ARFGEF1: variants seen among roughly 807,000 people sequenced by gnomAD.
The protein encoded by ARFGEF1 is brefeldin A-inhibited guanine nucleotide-exchange protein 1.
In ARFGEF1, 42 loss-of-function variants were observed where a neutral mutation model predicts 231.0. The observed-to-expected ratio is 0.18, with a 90% CI of 0.14 to 0.24. The LOEUF is 0.24. Ranked by LOEUF, ARFGEF1 falls within the 10% of genes least tolerant of loss-of-function variation. The pLI, the probability that ARFGEF1 is intolerant of heterozygous loss-of-function variation, is 1.00. For missense variants in ARFGEF1, 1,345 were observed against 2,192.0 expected (o/e 0.61, Z 7.72); for synonymous variants, 710 against 732.3 (o/e 0.97, Z 0.49).
chr8:67,183,854 T>A (rs1833661456), intron 5 of ARFGEF1, among the ~76,000 whole-genome samples: 3 of 147,014 alleles, frequency 2.0e-5, no homozygotes, highest in Admixed American at 2.0e-4. Context: ...TTTTTTTTTT[T>A]TTTTTTTTTT....
chr8:67,220,509 A>G (rs1839110043), intron 29 of ARFGEF1, among the ~76,000 whole-genome samples: 1 of 152,244 alleles, frequency 6.6e-6, no homozygotes, highest in Admixed American at 6.5e-5. Flanking sequence ...AGGATTGGGT[A>G]AAATAACATT....
Position 67,267,156 on chromosome 8 carries a change from C to G in ARFGEF1, c.1747G>C (p.Val583Leu). ...TGAGCAATTTTTGATAGATCATTTACTAGTCTTTCAAATATATTGGCTGCA... is the reference window on the plus strand; with the variant it reads ...TGAGCAATTTTTGATAGATCATTTAGTAGTCTTTCAAATATATTGGCTGCA... ...LNAANIFERL[V>L]NDLSKIAQGR... Residue 583 changes from valine to leucine, a missense_variant, in exon 12 of 39, where the codon GTA becomes CTA. Transcript: ENST00000262215. The G allele has an allele frequency of 6.2e-7, 1 of 1,613,144 alleles. No homozygotes were observed. The highest frequency in any genetic ancestry group is 8.5e-7 in the Non-Finnish European group (1 of 1,179,574).
downstream of ARFGEF1, among the ~76,000 whole-genome samples, chr8:67,196,983 T>C (rs1477934375): frequency 1.3e-5 from 2 of 152,192 alleles, 1 homozygote. Context: ...AACACAACCA[T>C]GTTAGATGAT....
rs1478503998 is a variant in ARFGEF1, at chr8:67,227,193, G to A, written c.3860C>T (p.Ser1287Phe). ...TTCCACTATGCTTTCATCTTGATCAGATGCAGCTAGATGAAATACAGAGAA... is the reference window on the plus strand; with the variant it reads ...TTCCACTATGCTTTCATCTTGATCAAATGCAGCTAGATGAAATACAGAGAA... ...NIFSVFHLAA[S>F]DQDESIVELA... Residue 1287 changes from serine (S) to phenylalanine (F), a missense_variant, in exon 27 of 39, where the codon TCT becomes TTT. This residue lies in a region of ARFGEF1 where 142 missense variants were observed against 227.3 expected (regional missense o/e 0.62). Coordinates refer to ENST00000262215, the MANE Select transcript of ARFGEF1 (RefSeq NM_006421.5). 1 of 1,612,866 alleles carries A rather than the reference G, an allele frequency of 6.2e-7. No individual in the cohort carries two copies. The highest frequency in any genetic ancestry group is 8.5e-7 in the Non-Finnish European group (1 of 1,179,276).
At chr8:67,203,688 C>T (rs1372529445) in intron 35 of ARFGEF1, among the ~76,000 whole-genome samples, 1 of 152,266 alleles carries the variant, frequency 6.6e-6, no homozygotes, top group Non-Finnish European at 1.5e-5. Context: ...CAGACCTTGG[C>T]CTAGGCCACA....
rs370284579 is a variant in ARFGEF1, at chr8:67,277,527, G to A, written c.1028-70C>T. ...CCGAAGTGTATTTAAAAAGCACAGA[G>A]TATTTAAAATGAAACAGTGGCAGGA... is the stretch of plus-strand genomic sequence containing the variant. On this transcript the variant is annotated intron_variant, in intron 7 of 38. Coordinates refer to ENST00000262215, the MANE Select transcript of ARFGEF1 (RefSeq NM_006421.5). 1.7e-5 allele frequency: 24 copies of A among 1,421,508 alleles called. No individual in the cohort carries two copies. In the African/African-American group the frequency reaches 3.0e-4, roughly 18 times the overall value. The allele number at this position is 1,421,508 out of a possible 1,614,324, so 88.1% of individuals were successfully genotyped here. A position where few individuals can be genotyped will look rare whatever the true frequency, so the allele number is the denominator to read the frequency against.
chr8:67,301,820 CAA>C (rs1417146958), intron 2 of ARFGEF1, among the ~76,000 whole-genome samples: 8 of 152,120 alleles, frequency 5.3e-5, no homozygotes, highest in Non-Finnish European at 7.3e-5. Flanking sequence ...AAATATGAAT[CAA>C]AGTCTTTAAG....
chr8:67,315,803 A>G (rs1192713934), intron 1 of ARFGEF1, among the ~76,000 whole-genome samples: 2 of 152,168 alleles, frequency 1.3e-5, no homozygotes, highest in Non-Finnish European at 2.9e-5. Flanking sequence ...AAATATAACA[A>G]ATTTTATGGG....
intron 11 of ARFGEF1, 49 bp from the exon 12 acceptor site, chr8:67,267,279 T>A: frequency 1.9e-6 from 3 of 1,598,678 alleles, no homozygotes; most frequent in Non-Finnish European, 2.6e-6. Flanking sequence ...AGGATATGAG[T>A]ACATTTGGCC....
At chr8:67,328,466 C>T (rs766180319) in intron 1 of ARFGEF1, among the ~76,000 whole-genome samples, 7 of 78,086 alleles carry the variant, frequency 9.0e-5, no homozygotes, top group Non-Finnish European at 2.0e-4. Flanking sequence ...TCTCCAGCAT[C>T]TCTCTGATTA....
chr8:67,315,631 A>G (rs1807276102), intron 1 of ARFGEF1, among the ~76,000 whole-genome samples: 1 of 152,204 alleles, frequency 6.6e-6, no homozygotes, highest in Admixed American at 6.5e-5. Flanking sequence ...AGAGCAGCCC[A>G]GAGTGTGTTC....
intron 10 of ARFGEF1, among the ~76,000 whole-genome samples, chr8:67,271,151 A>C (rs986200774): frequency 1.3e-5 from 2 of 151,848 alleles, no homozygotes; most frequent in Non-Finnish European, 2.9e-5. Flanking sequence ...ATATTTTAGG[A>C]CCACATGATT....
chr8:67,238,767 C>G lies in ARFGEF1; in HGVS notation c.3106G>C (p.Asp1036His), dbSNP rs145286962. The change falls in exon 21 of 39, where the codon GAT becomes CAT. Residue 1036 changes from aspartate to histidine, a missense_variant. By Grantham distance (81) the Asp-to-His change is moderately conservative. This residue lies in a region of ARFGEF1 where 146 missense variants were observed against 321.4 expected (regional missense o/e 0.45). Coordinates refer to ENST00000262215, the MANE Select transcript of ARFGEF1 (RefSeq NM_006421.5). ...CATGAATTTCCTAAATAATTTCCAT[C>G]TGTATGAGCCACTGTGATAAGTGTT... is the stretch of plus-strand genomic sequence containing the variant. ...IKTLITVAHT[D>H]GNYLGNSWHE... 6.2e-7 allele frequency: 1 copy of G among 1,613,690 alleles called. No homozygotes were observed. Among genetic ancestry groups the G allele is most frequent in the Admixed American group, 1.7e-5 (1 of 59,996 alleles).
At position 67,259,922 on chromosome 8, in the gene ARFGEF1, T is replaced by A. The variant is rs1332855060; in HGVS notation, c.2128A>T (p.Asn710Tyr). 3.1e-6 allele frequency: 5 copies of A among 1,587,822 alleles called. No homozygotes were observed. Among genetic ancestry groups the A allele is most frequent in the Non-Finnish European group, 4.3e-6 (5 of 1,160,740 alleles). Residue 710 changes from asparagine to tyrosine, a missense_variant, in exon 15 of 39, where the codon AAT (asparagine) becomes TAT (tyrosine). Asn to Tyr is a moderately radical substitution (Grantham distance 143). Around this residue, in one of 14 missense-constraint regions of ARFGEF1, gnomAD observed 105 missense variants for 159.3 expected, o/e 0.66. Transcript: ENST00000262215. Reference protein sequence around the residue: ...EIIEQGIDLFNKKPKRGIQYL... With the variant: ...EIIEQGIDLFYKKPKRGIQYL... ...TGTATTCCTCTCTTTGGTTTCTTAT[T>A]AAATCTAGATGATGTTAAATAAGAA... is the stretch of plus-strand genomic sequence containing the variant.
At chr8:67,240,379 A>C (rs1362891929) in intron 19 of ARFGEF1, 89 bp from the exon 20 acceptor site, 11 of 1,225,840 alleles carry the variant, frequency 9.0e-6, no homozygotes, top group Non-Finnish European at 1.1e-5. Flanking sequence ...AGTTCTGAAA[A>C]AAAGAAATGA....
At chr8:67,272,164 C>T (rs1805123406) in intron 9 of ARFGEF1, among the ~76,000 whole-genome samples, 1 of 152,100 alleles carries the variant, frequency 6.6e-6, no homozygotes, top group South Asian at 2.1e-4. Flanking sequence ...TTTATAATTT[C>T]ACAAACTTTT....
chr8:67,183,311 C>T (rs985665868), intron 5 of ARFGEF1, among the ~76,000 whole-genome samples: 4 of 152,212 alleles, frequency 2.6e-5, no homozygotes, highest in East Asian at 1.9e-4. Flanking sequence ...TAATGGATGT[C>T]GAAAGACAAC....
intron 1 of ARFGEF1, among the ~76,000 whole-genome samples, chr8:67,317,362 G>A (rs754120553): frequency 2.6e-5 from 4 of 152,104 alleles, no homozygotes; most frequent in African/African-American, 9.7e-5. Flanking sequence ...GGTATCTGAA[G>A]TGAAAACAGT....
At chr8:67,226,500 A>C (rs1839376830) in intron 27 of ARFGEF1, among the ~76,000 whole-genome samples, 1 of 152,132 alleles carries the variant, frequency 6.6e-6, no homozygotes, top group African/African-American at 2.4e-5. Flanking sequence ...CGGTTTCTTG[A>C]TATAAAATGG....
Sources: gnomAD v4.1 joint callset for allele counts (sites outside exome capture counted in the v4.1 genomes callset) on GRCh38, gnomAD v4.1.1 for gene constraint, gnomAD v4.1.1 regional missense constraint, MANE v1.5 for transcripts, NCBI Gene and HGNC (gene_info 2026-07-23, HGNC 2026-07-21) for gene names.